ANXA13: variants seen among roughly 807,000 people sequenced by gnomAD.
ANXA13 encodes annexin XIII.
A neutral mutation model predicts 46.6 loss-of-function variants in ANXA13; 36 were observed. The observed-to-expected ratio is 0.77, with a 90% CI of 0.59 to 1.02. The LOEUF is 1.02. Among genes scored for constraint, ANXA13 ranks in the 50% least tolerant of loss-of-function variants. ANXA13 has a pLI of 0.00. For missense variants in ANXA13, 417 were observed against 396.5 expected (o/e 1.05, Z -0.44); for synonymous variants, 163 against 152.9 (o/e 1.07, Z -0.49).
intron 1 of ANXA13, among the ~76,000 whole-genome samples, chr8:123,717,485 G>T (rs867828910): frequency 6.6e-6 from 1 of 152,196 alleles, no homozygotes; most frequent in African/African-American, 2.4e-5. Context: ...ACCATATGTA[G>T]ATATATAGGT....
At position 123,681,059 on chromosome 8, in the gene ANXA13, G is replaced by A. The variant is rs530808691; in HGVS notation, c.*181C>T. On this transcript the variant is annotated 3_prime_UTR_variant, in exon 11 of 11. Transcript: ENST00000419625. The stretch of plus-strand genomic sequence containing the variant: ...CCAGAGTTCAAGGTGCCCTGCCCAC[G>A]CATCTTAACGTTACTGCCCTTAACT... 21 of 697,716 alleles carry A rather than the reference G, an allele frequency of 3.0e-5. No homozygotes were observed. The highest frequency in any genetic ancestry group is 7.1e-5 in the African/African-American group (4 of 56,200). The allele number at this position is 697,716 out of a possible 1,614,324, so 43.2% of individuals were successfully genotyped here.
chr8:123,717,304 A>G (rs773586279), intron 1 of ANXA13, among the ~76,000 whole-genome samples: 1 of 152,198 alleles, frequency 6.6e-6, no homozygotes, highest in Non-Finnish European at 1.5e-5. Context: ...GCCAGAAAAC[A>G]GGGAGCTAGA....
chr8:123,696,876 G>A (rs1306127587), intron 4 of ANXA13, among the ~76,000 whole-genome samples: 1 of 152,188 alleles, frequency 6.6e-6, no homozygotes, highest in Non-Finnish European at 1.5e-5. Context: ...GGCTGAGGGA[G>A]AAAAAGCTAT....
intron 2 of ANXA13, among the ~76,000 whole-genome samples, chr8:123,707,856 A>T (rs962536731): frequency 1.8e-4 from 27 of 152,288 alleles, no homozygotes; most frequent in African/African-American, 2.9e-4. Context: ...ATAATAATAA[A>T]AAACCTAATA....
intron 8 of ANXA13, among the ~76,000 whole-genome samples, chr8:123,691,152 G>A (rs1011908059): frequency 3.9e-5 from 6 of 152,156 alleles, no homozygotes; most frequent in African/African-American, 1.4e-4. Flanking sequence ...GCAAAACCCT[G>A]AGTTTTTGTG....
intron 1 of ANXA13, among the ~76,000 whole-genome samples, chr8:123,734,677 A>T (rs1414587496): frequency 6.6e-6 from 1 of 151,518 alleles, no homozygotes; most frequent in Admixed American, 6.6e-5. Flanking sequence ...TCAATTATCT[A>T]TGGGCCCTGG....
At chr8:123,697,866 C>T (rs76426469) in intron 4 of ANXA13, among the ~76,000 whole-genome samples, 5,777 of 152,300 alleles carry the variant, frequency 0.038, 127 homozygotes, top group Middle Eastern at 0.089. Context: ...TGGCATGTGC[C>T]GAGTGACATC....
intron 2 of ANXA13, among the ~76,000 whole-genome samples, chr8:123,705,842 G>A (rs1341377642): frequency 6.6e-6 from 1 of 152,144 alleles, no homozygotes; most frequent in Non-Finnish European, 1.5e-5. Flanking sequence ...GAAAAAAAAG[G>A]GAGCCCTGGC....
At chr8:123,720,474 GT>G (rs1032875497) in intron 1 of ANXA13, among the ~76,000 whole-genome samples, 3 of 150,808 alleles carry the variant, frequency 2.0e-5, no homozygotes, top group Non-Finnish European at 3.0e-5. Context: ...GCCTTGTATA[GT>G]TTTTTTTTCA....
chr8:123,697,410 A>G (rs1813361465), intron 4 of ANXA13, among the ~76,000 whole-genome samples: 1 of 151,766 alleles, frequency 6.6e-6, no homozygotes, highest in African/African-American at 2.4e-5. Context: ...CCAACCTGAG[A>G]CTCCTTGAAA....
chr8:123,728,360 A>G (rs1048363218), intron 1 of ANXA13: 1 of 152,232 alleles, frequency 6.6e-6, no homozygotes, highest in South Asian at 2.1e-4. Context: ...TGTGGAGATG[A>G]TGGATATTTC....
At chr8:123,707,860 C>A (rs981032956) in intron 2 of ANXA13, among the ~76,000 whole-genome samples, 2 of 151,784 alleles carry the variant, frequency 1.3e-5, no homozygotes, top group African/African-American at 2.4e-5. Flanking sequence ...TAATAAAAAA[C>A]CTAATAAAAA....
chr8:123,726,808 G>A (rs1814007740), intron 1 of ANXA13, among the ~76,000 whole-genome samples: 1 of 152,156 alleles, frequency 6.6e-6, no homozygotes, highest in South Asian at 2.1e-4. Flanking sequence ...CAACCCAAAT[G>A]CCCATCAATC....
Position 123,721,437 on chromosome 8 carries a change from C to T in ANXA13, c.16-8684G>A, listed in dbSNP as rs185577865. 9.0e-4 allele frequency among the ~76,000 whole-genome samples: 137 copies of T among 152,286 alleles called. 1 individual carries two copies. Among genetic ancestry groups the T allele is most frequent in the Middle Eastern group, 3.4e-3 (1 of 294 alleles). ...TGAAAGATGGTAATAATAGTACCCA[C>T]CTCGTATGGGTTGTTAGGAGAATAT... On this transcript the variant is annotated intron_variant, in intron 1 of 10. Coordinates refer to ENST00000419625, the MANE Select transcript of ANXA13 (RefSeq NM_004306.4).
intron 1 of ANXA13, among the ~76,000 whole-genome samples, chr8:123,737,001 A>C (rs979505796): frequency 6.7e-6 from 1 of 148,154 alleles, no homozygotes; most frequent in African/African-American, 2.5e-5. Context: ...GGCATGTTCC[A>C]CCACACCTAG....
chr8:123,700,825 T>G (rs545599986), intron 3 of ANXA13, among the ~76,000 whole-genome samples: 2 of 151,972 alleles, frequency 1.3e-5, no homozygotes, highest in Non-Finnish European at 2.9e-5. Flanking sequence ...TTTTCTTTTC[T>G]TTTCTTTCTT....
chr8:123,717,859 G>A (rs1813786606), intron 1 of ANXA13, among the ~76,000 whole-genome samples: 1 of 152,240 alleles, frequency 6.6e-6, no homozygotes, highest in Admixed American at 6.5e-5. Context: ...CACGTGAGGC[G>A]CATTAAGTAA....
At position 123,695,339 on chromosome 8, in the gene ANXA13, T is replaced by C. The variant is rs117384185; in HGVS notation, c.471+163A>G. 0.043 allele frequency among the ~76,000 whole-genome samples: 6,524 copies of C among 152,318 alleles called. 220 individuals carry two copies. Among genetic ancestry groups the C allele is most frequent in the Non-Finnish European group, 0.065 (4,415 of 68,016 alleles). ...GGAAGTAATTCCAATTGAATATAAT[T>C]TCACCAGAGCTGGGCTGATGGAGCA... is the stretch of plus-strand genomic sequence containing the variant. On this transcript the variant is annotated intron_variant, in intron 6 of 10. Coordinates refer to ENST00000419625, the MANE Select transcript of ANXA13 (RefSeq NM_004306.4).
intron 3 of ANXA13, among the ~76,000 whole-genome samples, chr8:123,699,644 A>G (rs1813406420): frequency 6.6e-6 from 1 of 152,242 alleles, no homozygotes; most frequent in Non-Finnish European, 1.5e-5. Context: ...TTAATGCCCT[A>G]ACTTAAACCA....
Sources: allele counts gnomAD v4.1 joint callset (sites outside exome capture counted in the v4.1 genomes callset), GRCh38; gene constraint gnomAD v4.1.1; transcripts MANE v1.5; gene names NCBI Gene and HGNC (gene_info 2026-07-23, HGNC 2026-07-21).